The following CRIP2 variants were observed in gnomAD, a reference collection of about 807,000 sequenced individuals.
CRIP2 encodes cysteine-rich protein 2.
In CRIP2, 31 loss-of-function variants were observed where a neutral mutation model predicts 31.3. That is an observed-to-expected ratio of 0.99 (90% confidence interval 0.74 to 1.34). The LOEUF (loss-of-function observed/expected upper bound fraction) is 1.34. Ranked by LOEUF, CRIP2 falls within the 40% of genes most tolerant of loss-of-function variation. CRIP2 has a pLI of 0.00. For missense variants in CRIP2, 389 were observed against 301.6 expected (o/e 1.29, Z -2.15); for synonymous variants, 177 against 127.2 (o/e 1.39, Z -2.63).
In CRIP2 at chr14:105,474,977, G is replaced by A. The variant is rs2141745127; in HGVS notation, c.43+72G>A. ...TTCGCGGCCAGTCCCGCGCCGCAGA[G>A]CCGCGGCGTAACTCGGGGTGCGCCC... On this transcript the variant is annotated intron_variant, in intron 1 of 7. Coordinates refer to ENST00000329146, the MANE Select transcript of CRIP2 (RefSeq NM_001312.4). The surrounding 1 kb of genome is among the most constrained non-coding windows in gnomAD (Gnocchi z 5.1). 3 of 1,381,010 alleles carry A rather than the reference G, an allele frequency of 2.2e-6. No homozygotes were observed. Among genetic ancestry groups the A allele is most frequent in the African/African-American group, 1.5e-5 (1 of 65,656 alleles). 85.5% of individuals were successfully genotyped at this position (1,381,010 alleles called of 1,614,324 possible). A position where few individuals can be genotyped will look rare whatever the true frequency, so the allele number is the denominator to read the frequency against.
At position 105,478,279 on chromosome 14, in the gene CRIP2, C is replaced by A. The variant is rs781783768; in HGVS notation, c.57C>A (p.Ser19Arg). ...DKTVYFAEKV[S>R]SLGKDWHKFC... ...CCTCCCGCTCAGCCGAGAAGGTGAG[C>A]TCCCTGGGGAAGGACTGGCACAAGT... The change falls in exon 2 of 8, where the codon AGC becomes AGA. Residue 19 changes from serine to arginine, a missense_variant. Coordinates refer to ENST00000329146, the MANE Select transcript of CRIP2 (RefSeq NM_001312.4). The surrounding 1 kb of genome is among the most constrained non-coding windows in gnomAD (Gnocchi z 4.9). 6.4e-7 allele frequency: 1 copy of A among 1,561,962 alleles called. No homozygotes were observed. The highest frequency in any genetic ancestry group is 8.6e-7 in the Non-Finnish European group (1 of 1,156,076).
chr14:105,479,222 G>T lies in CRIP2; in HGVS notation c.501+3G>T. On this transcript the variant is annotated splice_donor_region_variant and intron_variant, in intron 6 of 7. Transcript: ENST00000329146. ...TGACCCCCGGCGGGCACGCGGAGGT[G>T]AGGGGAGTGCAACGGGGCTTGGGGG... is the stretch of plus-strand genomic sequence containing the variant. The T allele has an allele frequency of 6.2e-7, 1 of 1,609,064 alleles. No individual in the cohort carries two copies. Among genetic ancestry groups the T allele is most frequent in the Non-Finnish European group, 8.5e-7 (1 of 1,178,496 alleles).
At chr14:105,477,959 C>T (rs2083983213) in intron 1 of CRIP2, among the ~76,000 whole-genome samples, 2 of 149,012 alleles carry the variant, frequency 1.3e-5, no homozygotes, top group South Asian at 2.1e-4. Context: ...GGCTCGAGCA[C>T]AGGCCCCTTC....
rs201777436 is a variant in CRIP2, at chr14:105,479,465, C to G, written c.531C>G (p.Pro177=). ...EHDGQPYCHK[P]CYGILFGPKG... is the part of the protein sequence containing the mutation. ...ACGGCCAGCCCTACTGCCACAAGCC[C>G]TGCTATGGAATCCTCTTCGGACCCA... Residue 177 remains proline (P), a synonymous_variant, in exon 7 of 8, where the codon CCC becomes CCG. Transcript: ENST00000329146. 1 of 1,612,984 alleles carries G rather than the reference C, an allele frequency of 6.2e-7. No individual in the cohort carries two copies. The highest frequency in any genetic ancestry group is 2.2e-5 in the East Asian group (1 of 44,870).
In CRIP2 at chr14:105,479,432, C is replaced by T. The variant is rs782741903; in HGVS notation, c.502-4C>T. 2 of 1,612,764 alleles carry T rather than the reference C, an allele frequency of 1.2e-6. No homozygotes were observed. Among genetic ancestry groups the T allele is most frequent in the South Asian group, 2.2e-5 (2 of 91,084 alleles). On this transcript the variant is annotated splice_polypyrimidine_tract_variant and splice_region_variant and intron_variant, in intron 6 of 7. Coordinates refer to ENST00000329146, the MANE Select transcript of CRIP2 (RefSeq NM_001312.4). Reference sequence around the variant, plus strand: ...CCTCCCTCAGCACCCACCTTCTGCCCCAGCACGACGGCCAGCCCTACTGCC... The same window carrying T: ...CCTCCCTCAGCACCCACCTTCTGCCTCAGCACGACGGCCAGCCCTACTGCC...
At chr14:105,473,177 T>C, upstream of CRIP2, 1 of 1,515,838 alleles carries the variant, frequency 6.6e-7, no homozygotes, top group African/African-American at 1.4e-5. Flanking sequence ...GGCAAGGCCC[T>C]GCTGTGAGGG....
At position 105,479,571 on chromosome 14, in the gene CRIP2, G is replaced by T; in HGVS notation, c.560-15G>T. 6.2e-7 allele frequency: 1 copy of T among 1,612,714 alleles called. No individual in the cohort carries two copies. Among genetic ancestry groups the T allele is most frequent in the Non-Finnish European group, 8.5e-7 (1 of 1,179,902 alleles). On this transcript the variant is annotated splice_polypyrimidine_tract_variant and intron_variant, in intron 7 of 7. Coordinates refer to ENST00000329146, the MANE Select transcript of CRIP2 (RefSeq NM_001312.4). Reference sequence around the variant, plus strand: ...CACTGTTCCCCCGACCCACCCCAGCGGCCTCCCTCCACAGGAGTGAACACC... The same window carrying T: ...CACTGTTCCCCCGACCCACCCCAGCTGCCTCCCTCCACAGGAGTGAACACC...
In CRIP2 at chr14:105,478,944, C is replaced by T. The variant is rs372516849; in HGVS notation, c.338-35C>T. 1.8e-5 allele frequency: 27 copies of T among 1,534,964 alleles called. No homozygotes were observed. In the South Asian group the frequency reaches 2.0e-4, roughly 12 times the overall value. On this transcript the variant is annotated intron_variant, in intron 4 of 7. Transcript: ENST00000329146. This position sits in a 1 kb window ranked among gnomAD's most constrained non-coding sequence, Gnocchi z 4.9. ...TGGGGCTGGGGGTTGTGGGCACCCC[C>T]GGCCCCGCCCCGCCCTGACTCGTGC...
At position 105,479,058 on chromosome 14, in the gene CRIP2, G is replaced by T. The variant is rs1555436676; in HGVS notation, c.406+11G>T. 1 of 1,567,414 alleles carries T rather than the reference G, an allele frequency of 6.4e-7. No homozygotes were observed. The highest frequency in any genetic ancestry group is 8.6e-7 in the Non-Finnish European group (1 of 1,157,618). ...AGAAGGTGTACTTCGGTGAGTGCGC[G>T]CCCGGGCCCCGGACCCCCGCCCCCG... On this transcript the variant is annotated intron_variant, in intron 5 of 7. Transcript: ENST00000329146.
Position 105,478,174 on chromosome 14 carries a change from C to T in CRIP2, c.44-92C>T. 2.9e-6 allele frequency: 3 copies of T among 1,048,956 alleles called. No homozygotes were observed. The highest frequency in any genetic ancestry group is 3.2e-5 in the Admixed American group (1 of 31,654). 65.0% of individuals were successfully genotyped at this position (1,048,956 alleles called of 1,614,324 possible). A position where few individuals can be genotyped will look rare whatever the true frequency, so the allele number is the denominator to read the frequency against. The stretch of plus-strand genomic sequence containing the variant: ...GAGACCTCCTGAAAGTGGGGACCCC[C>T]GGAGCGCGTGGGGGTGGTGGCTGCC... On this transcript the variant is annotated intron_variant, in intron 1 of 7. Coordinates refer to ENST00000329146, the MANE Select transcript of CRIP2 (RefSeq NM_001312.4). This position sits in a 1 kb window ranked among gnomAD's most constrained non-coding sequence, Gnocchi z 4.9.
chr14:105,478,463 C>A lies in CRIP2; in HGVS notation c.152C>A (p.Pro51Gln). 6.2e-7 allele frequency: 1 copy of A among 1,606,722 alleles called. No individual in the cohort carries two copies. The highest frequency in any genetic ancestry group is 8.5e-7 in the Non-Finnish European group (1 of 1,178,882). ...CCCTCTGCGCAGCATGACGGGAAGC[C>A]GTTCTGCCACAAGCCGTGCTACGCC... ...PGGHAEHDGK[P>Q]FCHKPCYATL... Residue 51 changes from proline to glutamine, a missense_variant, in exon 3 of 8, where the codon CCG becomes CAG. Physicochemically the swap from Pro to Gln is moderately conservative, Grantham distance 76. Coordinates refer to ENST00000329146, the MANE Select transcript of CRIP2 (RefSeq NM_001312.4). This position sits in a 1 kb window ranked among gnomAD's most constrained non-coding sequence, Gnocchi z 4.9.
upstream of CRIP2, chr14:105,473,653 T>G: frequency 8.8e-7 from 1 of 1,142,084 alleles, no homozygotes; most frequent in Non-Finnish European, 1.2e-6. Context: ...GCCAGAAGGC[T>G]CAGAGAAGGG....
At chr14:105,477,634 T>G in intron 1 of CRIP2, 10 of 820,246 alleles carry the variant, frequency 1.2e-5, no homozygotes, top group African/African-American at 6.3e-5. Context: ...TTTGAGGGAA[T>G]GACAGGTGGG....
At chr14:105,473,142 G>C, upstream of CRIP2, 2 of 1,348,662 alleles carry the variant, frequency 1.5e-6, no homozygotes, top group Non-Finnish European at 2.0e-6. Context: ...AGAGGGTTTG[G>C]CAGTGGGCCC....
At chr14:105,474,727 G>T, upstream of CRIP2, 1 of 1,015,474 alleles carries the variant, frequency 9.8e-7, no homozygotes, top group Non-Finnish European at 1.2e-6. This position sits in a 1 kb window ranked among gnomAD's most constrained non-coding sequence, Gnocchi z 5.1. Context: ...CCAGCCCGGG[G>T]GACGGGTTAT....
At chr14:105,479,518 G>A in intron 7 of CRIP2, 25 bp downstream of exon 7, 16 of 1,612,814 alleles carry the variant, frequency 9.9e-6, no homozygotes, top group Non-Finnish European at 1.4e-5. Context: ...GGTGGTCCAC[G>A]ATGTCTTCCC....
At chr14:105,476,930 C>G (rs1206287986) in intron 1 of CRIP2, 2 of 266,982 alleles carry the variant, frequency 7.5e-6, no homozygotes, top group Non-Finnish European at 1.2e-5. Context: ...ATCTCACTGC[C>G]AGGAGCAGCA....
chr14:105,474,154 C>G (rs1226406363), upstream of CRIP2: 2 of 154,552 alleles, frequency 1.3e-5, no homozygotes, highest in Admixed American at 1.3e-4. The surrounding 1 kb of genome is among the most constrained non-coding windows in gnomAD (Gnocchi z 5.1). Flanking sequence ...GTGGCGGCGC[C>G]TTCCTTCCTG....
chr14:105,475,062 C>T (rs1555435476), intron 1 of CRIP2, among the ~76,000 whole-genome samples, 157 bp downstream of exon 1: 1 of 152,184 alleles, frequency 6.6e-6, no homozygotes, highest in Non-Finnish European at 1.5e-5. Context: ...GCTGCCCAAG[C>T]GGCTAAAGCC....
Sources: allele counts gnomAD v4.1 joint callset (sites outside exome capture counted in the v4.1 genomes callset), GRCh38; gene constraint gnomAD v4.1.1; non-coding constraint Gnocchi (gnomAD v3.1); transcripts MANE v1.5; gene names NCBI Gene and HGNC (gene_info 2026-07-23, HGNC 2026-07-21).